Variants in STMN2 observed in about 807,000 individuals in gnomAD.
STMN2 encodes the protein stathmin 2, also known as stathmin-2.
STMN2 carries 2 observed loss-of-function variants against 24.1 expected under a neutral mutation model. That is an observed-to-expected ratio of 0.08 (90% CI 0.03 to 0.26). STMN2 has a LOEUF of 0.26. Among genes scored for constraint, STMN2 ranks in the 10% least tolerant of loss-of-function variants. The probability of loss-of-function intolerance (pLI) is 1.00; values close to 1 mark genes in which losing one functional copy is unlikely to be tolerated. For missense variants in STMN2, 114 were observed against 213.6 expected (o/e 0.53, Z 2.91); for synonymous variants, 83 against 77.5 (o/e 1.07, Z -0.37).
chr8:79,635,861 GT>G (rs1326434255), intron 1 of STMN2, among the ~76,000 whole-genome samples: 1 of 151,896 alleles, frequency 6.6e-6, no homozygotes, highest in Non-Finnish European at 1.5e-5. Context: ...ATATTCCCAT[GT>G]AAAAAGACTG....
chr8:79,612,001 G>C (rs1007499103), intron 1 of STMN2, among the ~76,000 whole-genome samples: 7 of 152,256 alleles, frequency 4.6e-5, no homozygotes, highest in South Asian at 2.1e-4. Context: ...AGCGGTCCCG[G>C]GGGGAGGCAC....
chr8:79,630,642 A>AAG (rs1165433806), intron 1 of STMN2, among the ~76,000 whole-genome samples: 5 of 152,236 alleles, frequency 3.3e-5, no homozygotes, highest in Admixed American at 3.3e-4. Context: ...AGGAATTGAA[A>AAG]TCACTTGGGT....
intron 4 of STMN2, among the ~76,000 whole-genome samples, chr8:79,656,803 T>C (rs754290357): frequency 6.6e-6 from 1 of 152,186 alleles, no homozygotes; most frequent in Non-Finnish European, 1.5e-5. Flanking sequence ...AAGATTTATA[T>C]CACTGGCAGT....
chr8:79,633,401 C>T (rs1454609807), intron 1 of STMN2, among the ~76,000 whole-genome samples: 3 of 152,116 alleles, frequency 2.0e-5, no homozygotes, highest in African/African-American at 7.2e-5. Flanking sequence ...TGGGTTTTGT[C>T]CCCAGACCAC....
intron 4 of STMN2, among the ~76,000 whole-genome samples, chr8:79,659,952 C>T (rs1337988041): frequency 2.6e-5 from 4 of 152,162 alleles, no homozygotes; most frequent in Non-Finnish European, 5.9e-5. Flanking sequence ...TTCACTTTCT[C>T]ACGTATTTCC....
In STMN2 at chr8:79,664,847, G is replaced by A. The variant is rs746872119; in HGVS notation, c.513G>A (p.Lys171=). 13 of 1,613,196 alleles carry A rather than the reference G, an allele frequency of 8.1e-6. No individual in the cohort carries two copies. The East Asian group carries it at 2.5e-4, about 30-fold the overall frequency. The change falls in exon 5 of 5, where the codon AAG becomes AAA. Residue 171 remains lysine (K), a synonymous_variant. Coordinates refer to ENST00000220876, the MANE Select transcript of STMN2 (RefSeq NM_007029.4). ...ERHAAEVRRN[K]ELQVELSG ...ATGCTGCGGAGGTGCGCAGGAACAA[G>A]GAACTCCAGGTTGAACTGTCTGGCT... is the stretch of plus-strand genomic sequence containing the variant.
chr8:79,620,292 C>T (rs1809482143), intron 1 of STMN2, among the ~76,000 whole-genome samples: 2 of 150,776 alleles, frequency 1.3e-5, no homozygotes, highest in Admixed American at 6.6e-5. Flanking sequence ...CTATTTCATA[C>T]ATATATACAC....
chr8:79,638,448 A>T (rs567322959), intron 2 of STMN2, among the ~76,000 whole-genome samples: 1 of 152,288 alleles, frequency 6.6e-6, no homozygotes, highest in East Asian at 1.9e-4. Flanking sequence ...AGTTGAATAG[A>T]TAATTCAACA....
At chr8:79,653,599 C>T (rs1399980153) in intron 3 of STMN2, among the ~76,000 whole-genome samples, 4 of 152,062 alleles carry the variant, frequency 2.6e-5, no homozygotes, top group Non-Finnish European at 4.4e-5. Flanking sequence ...TTCTCCAGGC[C>T]CCATATTGTT....
chr8:79,617,979 T>C (rs1809422788), intron 1 of STMN2, among the ~76,000 whole-genome samples: 1 of 152,256 alleles, frequency 6.6e-6, no homozygotes, highest in South Asian at 2.1e-4. Context: ...AGTATCTTAC[T>C]CAAGGTCACA....
rs577808686 is a variant in STMN2, at chr8:79,657,359, C to T, written c.480+2297C>T. On this transcript the variant is annotated intron_variant, in intron 4 of 4. Transcript: ENST00000220876. ...TTTCCACTCCCAACCAAATTTAGTG[C>T]CCTCCCCCATACATGCATACATGTA... is the stretch of plus-strand genomic sequence containing the variant. Among the ~76,000 whole-genome samples the T allele has an allele frequency of 1.3e-4, 20 of 152,228 alleles. No homozygotes were observed. The South Asian group carries it at 4.2e-3, about 32-fold the overall frequency.
intron 4 of STMN2, 66 bp downstream of exon 4, chr8:79,655,128 T>A: frequency 6.4e-7 from 1 of 1,565,670 alleles, no homozygotes; most frequent in Non-Finnish European, 8.7e-7. Context: ...TGAACTTCCA[T>A]ATGCCTGAGC....
At chr8:79,618,190 A>G (rs1809427087) in intron 1 of STMN2, among the ~76,000 whole-genome samples, 1 of 152,228 alleles carries the variant, frequency 6.6e-6, no homozygotes, top group Admixed American at 6.5e-5. Context: ...TGAAGAGAAA[A>G]TACTTCCAAA....
chr8:79,652,863 G>A (rs1383648388), intron 3 of STMN2, among the ~76,000 whole-genome samples: 1 of 151,958 alleles, frequency 6.6e-6, no homozygotes, highest in African/African-American at 2.4e-5. Flanking sequence ...CAATTCCGTA[G>A]TCCTGATAAC....
intron 1 of STMN2, among the ~76,000 whole-genome samples, chr8:79,619,951 C>A (rs905518266): frequency 6.6e-6 from 1 of 151,370 alleles, no homozygotes; most frequent in East Asian, 1.9e-4. Flanking sequence ...AAAAAATGTT[C>A]AAAAGAAAAA....
At chr8:79,639,716 T>C (rs1460486183) in intron 2 of STMN2, among the ~76,000 whole-genome samples, 1 of 152,114 alleles carries the variant, frequency 6.6e-6, no homozygotes, top group African/African-American at 2.4e-5. Context: ...TTGACAAAAA[T>C]TGTATATGTT....
chr8:79,617,811 A>G (rs1180792663), intron 1 of STMN2, among the ~76,000 whole-genome samples: 1 of 152,198 alleles, frequency 6.6e-6, no homozygotes, highest in African/African-American at 2.4e-5. Context: ...CAGATTCTCT[A>G]TGGGAAGTAA....
At chr8:79,663,651 A>G (rs1806544392) in intron 4 of STMN2, 1 of 1,528,244 alleles carries the variant, frequency 6.5e-7, no homozygotes, top group Non-Finnish European at 8.7e-7. Context: ...AGAGGGAAGG[A>G]GAGAAGCAAT....
At chr8:79,631,547 A>C (rs1809802246) in intron 1 of STMN2, 9 of 726,524 alleles carry the variant, frequency 1.2e-5, no homozygotes, top group Non-Finnish European at 1.2e-5. Flanking sequence ...AGGGTATTTT[A>C]AAATCTGAGT....
Sources: gnomAD v4.1 joint callset for allele counts (sites outside exome capture counted in the v4.1 genomes callset) on GRCh38, gnomAD v4.1.1 for gene constraint, MANE v1.5 for transcripts, NCBI Gene and HGNC (gene_info 2026-07-23, HGNC 2026-07-21) for gene names.